ACER3: variants seen among roughly 807,000 people sequenced by gnomAD.
ACER3 encodes alkCDase 3.
A neutral mutation model predicts 48.9 loss-of-function variants in ACER3; 16 were observed. That is an observed-to-expected ratio of 0.33 (90% confidence interval 0.22 to 0.50). The LOEUF (loss-of-function observed/expected upper bound fraction) is 0.50, where lower values mean the gene tolerates loss of function less well. Ranked by LOEUF, ACER3 falls within the 20% of genes least tolerant of loss-of-function variation. The probability of loss-of-function intolerance (pLI) is 0.98; values close to 1 mark genes in which losing one functional copy is unlikely to be tolerated. For synonymous variants in ACER3, 109 were observed against 107.8 expected, an observed-to-expected ratio of 1.01 and a Z score of -0.07; for missense variants, 227 against 326.0, an observed-to-expected ratio of 0.70 and a Z score of 2.34.
intron 1 of ACER3, among the ~76,000 whole-genome samples, chr11:76,874,944 TG>T (rs1299865365): frequency 3.3e-4 from 50 of 152,148 alleles, no homozygotes; most frequent in Non-Finnish European, 6.5e-4. Flanking sequence ...GCTGTTGGCT[TG>T]TCGTTTGTCA....
In ACER3 at chr11:76,867,468, C is replaced by CAAAAAAAAA. The variant is rs1156610809; in HGVS notation, c.103+6410_103+6418dup. Among the ~76,000 whole-genome samples, 58 of 19,632 alleles carry CAAAAAAAAA rather than the reference C, an allele frequency of 3.0e-3. 2 individuals are homozygous for CAAAAAAAAA. The highest frequency in any genetic ancestry group is 7.9e-3 in the African/African-American group (48 of 6,068). 12.9% of individuals were successfully genotyped at this position (19,632 alleles called of 152,430 possible). Reference sequence around the variant, plus strand: ...TTGGTGACAGAGTGAGACTCTGTCTCAAAAAAAAAAAAAAAAAAAAAAAAA... The same window carrying CAAAAAAAAA: ...TTGGTGACAGAGTGAGACTCTGTCTCAAAAAAAAAAAAAAAAAAAAAAAAAAAAAAAAAA... On this transcript the variant is annotated intron_variant, in intron 1 of 10. Coordinates refer to ENST00000532485, the MANE Select transcript of ACER3 (RefSeq NM_018367.7).
At chr11:76,919,695 C>A (rs576702407) in intron 1 of ACER3, among the ~76,000 whole-genome samples, 1 of 152,202 alleles carries the variant, frequency 6.6e-6, no homozygotes, top group Admixed American at 6.5e-5. Context: ...TCCAATTAAA[C>A]TCTTAGTAGA....
At chr11:76,884,843 A>C (rs1442613670) in intron 1 of ACER3, among the ~76,000 whole-genome samples, 1 of 151,990 alleles carries the variant, frequency 6.6e-6, no homozygotes, top group East Asian at 1.9e-4. Context: ...AGTTCACTGC[A>C]GCCTTGACTT....
In ACER3 at chr11:76,860,957, G is replaced by T; in HGVS notation, c.-20G>T. The T allele has an allele frequency of 6.9e-7, 1 of 1,440,312 alleles. No individual in the cohort carries two copies. Among genetic ancestry groups the T allele is most frequent in the Non-Finnish European group, 9.4e-7 (1 of 1,069,228 alleles). The allele number at this position is 1,440,312 out of a possible 1,614,324, so 89.2% of individuals were successfully genotyped here. On this transcript the variant is annotated 5_prime_UTR_variant, in exon 1 of 11. Transcript: ENST00000532485. ...CCGGCACAGTGAGCGGAGCGCCTGG[G>T]CGGCGGCGGCGGCGGCGTGATGGCT...
chr11:76,889,110 G>A (rs771735971), intron 1 of ACER3, among the ~76,000 whole-genome samples: 2 of 152,110 alleles, frequency 1.3e-5, no homozygotes, highest in Non-Finnish European at 2.9e-5. Flanking sequence ...GATGATCTCA[G>A]ATCCATTTCC....
intron 2 of ACER3, among the ~76,000 whole-genome samples, chr11:76,934,336 C>G (rs924078159): frequency 3.3e-5 from 5 of 152,198 alleles, no homozygotes; most frequent in African/African-American, 1.2e-4. Context: ...CCAAGGCAGG[C>G]GGCTGGGAGG....
intron 1 of ACER3, among the ~76,000 whole-genome samples, chr11:76,889,043 T>C (rs1370626685): frequency 6.6e-6 from 1 of 152,208 alleles, no homozygotes; most frequent in Non-Finnish European, 1.5e-5. Context: ...AGTGGGTGTT[T>C]ACTTTTCTAT....
At chr11:77,004,845 G>A (rs1162151330) in intron 7 of ACER3, among the ~76,000 whole-genome samples, 1 of 151,986 alleles carries the variant, frequency 6.6e-6, no homozygotes, top group African/African-American at 2.4e-5. Flanking sequence ...TTATATAGTT[G>A]AATCAGTTTG....
Position 77,002,861 on chromosome 11 carries a change from C to A in ACER3, c.497+4040C>A, listed in dbSNP as rs181101158. Among the ~76,000 whole-genome samples, 4 of 152,248 alleles carry A rather than the reference C, an allele frequency of 2.6e-5. No homozygotes were observed. The South Asian group carries it at 8.3e-4, about 32-fold the overall frequency. On this transcript the variant is annotated intron_variant, in intron 7 of 10. Coordinates refer to ENST00000532485, the MANE Select transcript of ACER3 (RefSeq NM_018367.7). ...GCCAGTCACAAGAGGACAAATACTA[C>A]GAGTCCATTTATATGAGGTTCCTAG...
chr11:76,934,671 C>T (rs578116282), intron 2 of ACER3, among the ~76,000 whole-genome samples: 13 of 142,572 alleles, frequency 9.1e-5, no homozygotes, highest in East Asian at 1.9e-4. Flanking sequence ...AGAGGGAGAC[C>T]GTGGAAAGAG....
chr11:76,934,211 G>A (rs1051442535), intron 2 of ACER3, among the ~76,000 whole-genome samples: 13 of 151,680 alleles, frequency 8.6e-5, no homozygotes, highest in African/African-American at 2.9e-4. Context: ...AGACTGGGCA[G>A]CCAGGCAGAG....
At chr11:76,885,164 T>G (rs1052724654) in intron 1 of ACER3, among the ~76,000 whole-genome samples, 3 of 152,242 alleles carry the variant, frequency 2.0e-5, no homozygotes, top group Admixed American at 6.5e-5. Context: ...CTTTCTGCAT[T>G]CTTATATGTT....
At chr11:76,913,224 C>A (rs563173123) in intron 1 of ACER3, among the ~76,000 whole-genome samples, 3 of 151,968 alleles carry the variant, frequency 2.0e-5, no homozygotes, top group Non-Finnish European at 4.4e-5. Context: ...GATTTTGTAT[C>A]CTGAGACTTT....
At chr11:76,884,812 G>A (rs891024257) in intron 1 of ACER3, among the ~76,000 whole-genome samples, 5 of 151,886 alleles carry the variant, frequency 3.3e-5, no homozygotes, top group African/African-American at 1.2e-4. Flanking sequence ...TGTCCAGGCT[G>A]GAGGGCAATG....
rs143582426 is a variant in ACER3 at position 76,954,374 on chromosome 11, A to G, written c.215-4605A>G. Among the ~76,000 whole-genome samples the G allele has an allele frequency of 4.3e-3, 661 of 152,304 alleles. 4 individuals are homozygous for G. Among genetic ancestry groups the G allele is most frequent in the Admixed American group, 8.2e-3 (126 of 15,308 alleles). ...CTTCAAATGCACAAACTCTGTCTTT[A>G]TTCTAGATGACTCTTCTACATAGAA... On this transcript the variant is annotated intron_variant, in intron 2 of 10. Coordinates refer to ENST00000532485, the MANE Select transcript of ACER3 (RefSeq NM_018367.7).
chr11:77,011,005 C>T (rs1441033456), intron 7 of ACER3, among the ~76,000 whole-genome samples: 4 of 152,122 alleles, frequency 2.6e-5, no homozygotes, highest in Non-Finnish European at 4.4e-5. Context: ...GAGAGTACTA[C>T]AAAAAGGACG....
chr11:76,998,156 T>C (rs1181878206), intron 6 of ACER3, among the ~76,000 whole-genome samples: 1 of 152,146 alleles, frequency 6.6e-6, no homozygotes, highest in East Asian at 1.9e-4. Flanking sequence ...CCTGGTTCAA[T>C]TTTCCAGGTA....
intron 1 of ACER3, among the ~76,000 whole-genome samples, chr11:76,876,617 A>T (rs754288853): frequency 1.3e-5 from 2 of 152,182 alleles, no homozygotes; most frequent in Non-Finnish European, 2.9e-5. Flanking sequence ...GTTTAGTTTT[A>T]TTAGATACTG....
At chr11:76,963,004 T>TAC (rs1948036714) in intron 3 of ACER3, among the ~76,000 whole-genome samples, 1 of 151,368 alleles carries the variant, frequency 6.6e-6, no homozygotes, top group Non-Finnish European at 1.5e-5. Context: ...ATAGAGCAGC[T>TAC]TGGAGAAAAA....
Sources: gnomAD v4.1 joint callset for allele counts (sites outside exome capture counted in the v4.1 genomes callset) on GRCh38, gnomAD v4.1.1 for gene constraint, MANE v1.5 for transcripts, NCBI Gene and HGNC (gene_info 2026-07-23, HGNC 2026-07-21) for gene names.